The following ASPA variants were observed in gnomAD, a reference collection of about 807,000 sequenced individuals.
ASPA encodes the protein aspartoacylase.
A neutral mutation model predicts 29.6 loss-of-function variants in ASPA; 25 were observed. The ratio of observed to expected loss-of-function variants is 0.85; its 90% CI spans 0.62 to 1.18. The LOEUF (loss-of-function observed/expected upper bound fraction) is 1.18. Ranked by LOEUF, ASPA falls within the 50% of genes most tolerant of loss-of-function variation. The pLI is 0.00. For synonymous variants in ASPA, 131 were observed against 130.3 expected (o/e 1.01, Z -0.04); for missense variants, 333 against 385.7 (o/e 0.86, Z 1.14).
intron 5 of ASPA, among the ~76,000 whole-genome samples, chr17:3,496,824 T>C (rs984924101): frequency 3.9e-5 from 6 of 152,224 alleles, no homozygotes; most frequent in African/African-American, 1.2e-4. Flanking sequence ...CCCAGCGCTT[T>C]GGGAGGCCGA....
In ASPA at chr17:3,485,949, T is replaced by TTG; in HGVS notation, c.526+2357_526+2358insTG. Among the ~76,000 whole-genome samples, 1 of 141,612 alleles carries TTG rather than the reference T, an allele frequency of 7.1e-6. No homozygotes were observed. The highest frequency in any genetic ancestry group is 2.5e-5 in the African/African-American group (1 of 39,944). The allele number at this position is 141,612 out of a possible 152,430, so 92.9% of individuals were successfully genotyped here. Reference sequence around the variant, plus strand: ...AGGAGGGAACCTTTTTTTTTTTTTTTGAGACGGAGTTTCGCTCTTGTTGCC... The same window carrying TTG: ...AGGAGGGAACCTTTTTTTTTTTTTTTTGGAGACGGAGTTTCGCTCTTGTTGCC... On this transcript the variant is annotated intron_variant, in intron 3 of 5. Transcript: ENST00000263080. This position sits in a 1 kb window ranked among gnomAD's most constrained non-coding sequence, Gnocchi z 4.4.
intron 1 of ASPA, among the ~76,000 whole-genome samples, chr17:3,478,658 A>G (rs1315360572): frequency 6.6e-6 from 1 of 152,184 alleles, no homozygotes; most frequent in Non-Finnish European, 1.5e-5. Context: ...TTTTCACTTA[A>G]ATTCACTTTC....
At chr17:3,483,689 GT>G in intron 3 of ASPA, 97 bp downstream of exon 3, 6 of 1,191,172 alleles carry the variant, frequency 5.0e-6, no homozygotes, top group Non-Finnish European at 7.3e-6. Flanking sequence ...TTGAGACAGA[GT>G]CTTGCTCTGT....
rs2073999692 is a variant in ASPA, at chr17:3,502,301, C to T, written c.*3213C>T. The T allele has an allele frequency of 6.6e-6, 1 of 152,198 alleles. No homozygotes were observed. The allele number at this position is 152,198 out of a possible 1,614,324, so 9.4% of individuals were successfully genotyped here. On this transcript the variant is annotated 3_prime_UTR_variant, in exon 6 of 6. Transcript: ENST00000263080. ...CATACTACATATAGTGTGAGCATAA[C>T]TTTTACACGTACTGGAAAATCAAAA...
upstream of ASPA, among the ~76,000 whole-genome samples, chr17:3,475,233 A>T (rs956937967): frequency 6.6e-6 from 1 of 152,038 alleles, no homozygotes; most frequent in Non-Finnish European, 1.5e-5. Flanking sequence ...ATTCTGGAAA[A>T]TTTCCCCTAA....
In ASPA at chr17:3,485,792, G is replaced by A. The variant is rs2150750491; in HGVS notation, c.526+2200G>A. ...GAAGACACAAGACTCCTAAAACAGA[G>A]ACAAAGAATAGATTATTGACAGTAG... On this transcript the variant is annotated intron_variant, in intron 3 of 5. Coordinates refer to ENST00000263080, the MANE Select transcript of ASPA (RefSeq NM_000049.4). This position sits in a 1 kb window ranked among gnomAD's most constrained non-coding sequence, Gnocchi z 4.4. 6.6e-6 allele frequency among the ~76,000 whole-genome samples: 1 copy of A among 152,292 alleles called. No homozygotes were observed. The highest frequency in any genetic ancestry group is 6.5e-5 in the Admixed American group (1 of 15,304).
intron 3 of ASPA, 126 bp downstream of exon 3, chr17:3,483,718 G>A (rs2073674006): frequency 1.7e-5 from 15 of 892,974 alleles, no homozygotes; most frequent in Middle Eastern, 2.4e-4. Context: ...GCTGGAGTCC[G>A]ATGGTGTGAT....
rs2073767770 is a variant in ASPA, at chr17:3,488,583, G to C, written c.527-652G>C. 6.6e-6 allele frequency among the ~76,000 whole-genome samples: 1 copy of C among 152,150 alleles called. No individual in the cohort carries two copies. The highest frequency in any genetic ancestry group is 1.5e-5 in the Non-Finnish European group (1 of 68,022). On this transcript the variant is annotated intron_variant, in intron 3 of 5. Transcript: ENST00000263080. This position sits in a 1 kb window ranked among gnomAD's most constrained non-coding sequence, Gnocchi z 6.1. ...GAGGCAGAAGAATCGCTTGAACCTG[G>C]GAGGCAGAGGTTGCAGTGAGCAGAA...
rs528643312 is a variant in ASPA, at chr17:3,499,267, T to C, written c.*179T>C. 1.4e-4 allele frequency: 74 copies of C among 544,868 alleles called. No homozygotes were observed. Among genetic ancestry groups the C allele is most frequent in the Non-Finnish European group, 2.0e-4 (64 of 318,504 alleles). 33.8% of individuals were successfully genotyped at this position (544,868 alleles called of 1,614,324 possible). A position where few individuals can be genotyped will look rare whatever the true frequency, so the allele number is the denominator to read the frequency against. ...TTAATATATCTTTAAAGATATCATA[T>C]TTTATGTATGTAGCTTATTCAAAGA... On this transcript the variant is annotated 3_prime_UTR_variant, in exon 6 of 6. Transcript: ENST00000263080.
intron 5 of ASPA, among the ~76,000 whole-genome samples, chr17:3,495,828 A>G (rs1354694738): frequency 1.3e-5 from 2 of 152,180 alleles, no homozygotes; most frequent in African/African-American, 4.8e-5. Flanking sequence ...CGGCCTCCCA[A>G]AGTGGTGGGA....
At position 3,476,168 on chromosome 17, in the gene ASPA, T is replaced by TG; in HGVS notation, c.9_10insG (p.Cys4ValfsTer5). On this transcript the variant is annotated frameshift_variant, in exon 1 of 6. Coordinates refer to ENST00000263080, the MANE Select transcript of ASPA (RefSeq NM_000049.4). LOFTEE classifies it high-confidence loss of function. Reference sequence around the variant, plus strand: ...AAAAACTACTTGGTGAAATGACTTCTTGTCACATTGCTGAAGAACATATAC... The same window carrying TG: ...AAAAACTACTTGGTGAAATGACTTCTGTGTCACATTGCTGAAGAACATATAC... 1.9e-6 allele frequency: 3 copies of TG among 1,613,734 alleles called. No individual in the cohort carries two copies. Among genetic ancestry groups the TG allele is most frequent in the Non-Finnish European group, 2.5e-6 (3 of 1,179,804 alleles).
At position 3,494,785 on chromosome 17, in the gene ASPA, A is replaced by T. The variant is rs189880890; in HGVS notation, c.744+326A>T. On this transcript the variant is annotated intron_variant, in intron 5 of 5. Transcript: ENST00000263080. ...AATGAGATGGGAGAGGAGTGGTCAGACAAGGCCACTTAGAGAAAGTGAAAC... is the reference window on the plus strand; with the variant it reads ...AATGAGATGGGAGAGGAGTGGTCAGTCAAGGCCACTTAGAGAAAGTGAAAC... 3.1e-4 allele frequency among the ~76,000 whole-genome samples: 47 copies of T among 152,338 alleles called. 1 individual carries two copies. The highest frequency in any genetic ancestry group is 2.7e-3 in the Admixed American group (42 of 15,304).
intron 1 of ASPA, among the ~76,000 whole-genome samples, chr17:3,480,922 C>T (rs1306187517): frequency 2.0e-5 from 3 of 152,150 alleles, no homozygotes; most frequent in Admixed American, 6.5e-5. Context: ...TAGTTCAAGA[C>T]CAGCCTGGGC....
At chr17:3,497,635 C>T (rs757222624) in intron 5 of ASPA, among the ~76,000 whole-genome samples, 8 of 152,170 alleles carry the variant, frequency 5.3e-5, no homozygotes, top group Non-Finnish European at 1.0e-4. Context: ...ACATCCCAAG[C>T]GATCATAATG....
At chr17:3,496,257 G>A (rs1439204918) in intron 5 of ASPA, among the ~76,000 whole-genome samples, 1 of 152,224 alleles carries the variant, frequency 6.6e-6, no homozygotes, top group Non-Finnish European at 1.5e-5. Context: ...GTTCCTCATG[G>A]AGCTTCCATC....
chr17:3,484,777 T>C (rs1387020713), intron 3 of ASPA, among the ~76,000 whole-genome samples: 1 of 152,198 alleles, frequency 6.6e-6, no homozygotes. Flanking sequence ...CAGCAGACAA[T>C]TGGTGGACCA....
In ASPA at chr17:3,502,311, T is replaced by C. The variant is rs2073999825; in HGVS notation, c.*3223T>C. On this transcript the variant is annotated 3_prime_UTR_variant, in exon 6 of 6. Transcript: ENST00000263080. ...ATAGTGTGAGCATAACTTTTACACG[T>C]ACTGGAAAATCAAAAAATATGTGTG... 1 of 152,224 alleles carries C rather than the reference T, an allele frequency of 6.6e-6. No homozygotes were observed. The highest frequency in any genetic ancestry group is 1.5e-5 in the Non-Finnish European group (1 of 68,028). 9.4% of individuals were successfully genotyped at this position (152,224 alleles called of 1,614,324 possible). A position where few individuals can be genotyped will look rare whatever the true frequency, so the allele number is the denominator to read the frequency against.
chr17:3,480,185 A>C (rs1219730328), intron 1 of ASPA, among the ~76,000 whole-genome samples: 1 of 152,238 alleles, frequency 6.6e-6, no homozygotes, highest in Non-Finnish European at 1.5e-5. Context: ...GCCTGAGGCC[A>C]AGACTTCTGT....
At position 3,499,086 on chromosome 17, in the gene ASPA, T is replaced by TC; in HGVS notation, c.940_941insC (p.Ter314SerfsTer20). ...AAAAAGTATTCGCTGCTGTTTACAT[T>TC]AGAAATCACTTCCAGCTTACATCTT... On this transcript the variant is annotated frameshift_variant and stop_lost, in exon 6 of 6. Coordinates refer to ENST00000263080, the MANE Select transcript of ASPA (RefSeq NM_000049.4). LOFTEE classifies it high-confidence loss of function. 4 of 1,613,472 alleles carry TC rather than the reference T, an allele frequency of 2.5e-6. No individual in the cohort carries two copies. The highest frequency in any genetic ancestry group is 3.4e-6 in the Non-Finnish European group (4 of 1,179,712).
Sources: allele counts gnomAD v4.1 joint callset (sites outside exome capture counted in the v4.1 genomes callset), GRCh38; gene constraint gnomAD v4.1.1; non-coding constraint Gnocchi (gnomAD v3.1); transcripts MANE v1.5; gene names NCBI Gene and HGNC (gene_info 2026-07-23, HGNC 2026-07-21).